Variants in SPAG9 observed in about 807,000 individuals in gnomAD.
SPAG9 encodes C-Jun-amino-terminal kinase-interacting protein 4.
SPAG9 carries 35 observed loss-of-function variants against 166.5 expected under a neutral mutation model. That is an observed-to-expected ratio of 0.21 (90% confidence interval 0.16 to 0.28). SPAG9 has a LOEUF of 0.28. SPAG9 is among the 10% of genes least tolerant of loss of function. SPAG9 has a pLI of 1.00. For missense variants in SPAG9, 1,235 were observed against 1,603.3 expected, an observed-to-expected ratio of 0.77 and a Z score of 3.92; for synonymous variants, 534 against 565.5, an observed-to-expected ratio of 0.94 and a Z score of 0.79.
chr17:50,978,350 A>C (rs1274111118), intron 26 of SPAG9, among the ~76,000 whole-genome samples: 1 of 152,226 alleles, frequency 6.6e-6, no homozygotes, highest in African/African-American at 2.4e-5. Flanking sequence ...TCTAGGGAGA[A>C]GGTACATAGC....
At position 51,120,603 on chromosome 17, in the gene SPAG9, G is replaced by A; in HGVS notation, c.54C>T (p.Ala18=). ...VYQEEPGGSG[A]VMSERVSGLA... ...GGCCGGACACCCGCTCCGACATCAC[G>A]GCCCCGGAGCCGCCGGGCTCCTCCT... The change falls in exon 1 of 30, where the codon GCC becomes GCT. Residue 18 remains alanine, a synonymous_variant. Coordinates refer to ENST00000262013, the MANE Select transcript of SPAG9 (RefSeq NM_001130528.3). This position sits in a 1 kb window ranked among gnomAD's most constrained non-coding sequence, Gnocchi z 4.7. 5.6e-6 allele frequency: 9 copies of A among 1,612,814 alleles called. No individual in the cohort carries two copies. The highest frequency in any genetic ancestry group is 7.6e-6 in the Non-Finnish European group (9 of 1,179,540).
intron 6 of SPAG9, among the ~76,000 whole-genome samples, chr17:51,029,533 T>C (rs1353554048): frequency 1.3e-5 from 2 of 152,096 alleles, no homozygotes; most frequent in African/African-American, 2.4e-5. Flanking sequence ...AACAAATAAA[T>C]AAACAAAATA....
At chr17:51,078,183 G>A (rs2048068952) in intron 2 of SPAG9, among the ~76,000 whole-genome samples, 1 of 152,084 alleles carries the variant, frequency 6.6e-6, no homozygotes, top group Admixed American at 6.6e-5. Context: ...GTATCCACAA[G>A]GCTAAAAACA....
intron 28 of SPAG9, among the ~76,000 whole-genome samples, chr17:50,972,514 T>C (rs1446477382): frequency 6.6e-6 from 1 of 152,240 alleles, no homozygotes; most frequent in East Asian, 1.9e-4. Context: ...GAGAAACCTT[T>C]AAATATTATT....
Position 50,989,715 on chromosome 17 carries a change from A to G in SPAG9, c.2775T>C (p.Val925=). ...CTGGGGAGAGGTCTTCTGGGATCTGAACTCCCAAAGGATCTGTAAAGACAT... is the reference window on the plus strand; with the variant it reads ...CTGGGGAGAGGTCTTCTGGGATCTGGACTCCCAAAGGATCTGTAAAGACAT... The part of the protein sequence containing the change: ...TEHVFTDPLG[V]QIPEDLSPVY... Residue 925 remains valine, a synonymous_variant, in exon 21 of 30, where the codon GTT becomes GTC. Coordinates refer to ENST00000262013, the MANE Select transcript of SPAG9 (RefSeq NM_001130528.3). 6.2e-7 allele frequency: 1 copy of G among 1,614,120 alleles called. No individual in the cohort carries two copies. The highest frequency in any genetic ancestry group is 8.5e-7 in the Non-Finnish European group (1 of 1,180,020).
At chr17:50,983,095 T>C (rs750517076) in intron 24 of SPAG9, among the ~76,000 whole-genome samples, 1 of 152,238 alleles carries the variant, frequency 6.6e-6, no homozygotes, top group Non-Finnish European at 1.5e-5. Context: ...TTAGGAATTA[T>C]GCATACTATA....
chr17:51,092,355 T>TCCC (rs1358091399), intron 1 of SPAG9, among the ~76,000 whole-genome samples: 1 of 151,322 alleles, frequency 6.6e-6, no homozygotes, highest in Non-Finnish European at 1.5e-5. Context: ...AGAACCATTA[T>TCCC]ATAAAGAGGA....
At chr17:51,033,924 G>A (rs1483587635) in intron 5 of SPAG9, among the ~76,000 whole-genome samples, 1 of 152,172 alleles carries the variant, frequency 6.6e-6, no homozygotes, top group Admixed American at 6.5e-5. Flanking sequence ...TAAAATACAA[G>A]CTTTAAACAC....
chr17:51,037,699 T>TA (rs2046670449), intron 5 of SPAG9, among the ~76,000 whole-genome samples: 2 of 104,996 alleles, frequency 1.9e-5, no homozygotes, highest in African/African-American at 6.4e-5. Flanking sequence ...TGTGTGTGTG[T>TA]GTGTGTGTGT....
chr17:51,113,307 C>T (rs2049175944), intron 1 of SPAG9, among the ~76,000 whole-genome samples: 1 of 144,548 alleles, frequency 6.9e-6, no homozygotes, highest in Non-Finnish European at 1.5e-5. Flanking sequence ...GAGCTGAGAT[C>T]GCACCATTGC....
chr17:50,964,120 T>G lies in SPAG9; in HGVS notation c.*2152A>C, dbSNP rs927111398. On this transcript the variant is annotated 3_prime_UTR_variant, in exon 30 of 30. Transcript: ENST00000262013. ...ATATGCATAAAAGCCACTGGTATAC[T>G]TTTTACAGACATCTTTGTATAATAG... 6.6e-6 allele frequency: 1 copy of G among 152,072 alleles called. No homozygotes were observed. Among genetic ancestry groups the G allele is most frequent in the Non-Finnish European group, 1.5e-5 (1 of 68,022 alleles). 9.4% of individuals were successfully genotyped at this position (152,072 alleles called of 1,614,324 possible).
At chr17:51,013,493 A>G (rs1372438356) in intron 9 of SPAG9, among the ~76,000 whole-genome samples, 1 of 152,222 alleles carries the variant, frequency 6.6e-6, no homozygotes, top group Non-Finnish European at 1.5e-5. Context: ...GACAATAAGT[A>G]AATGGTGGTG....
intron 17 of SPAG9, 48 bp downstream of exon 17, chr17:50,995,396 C>T: frequency 1.3e-6 from 2 of 1,482,938 alleles, no homozygotes; most frequent in East Asian, 2.3e-5. Context: ...AGAAAAAAAA[C>T]TACCCAGAGT....
chr17:51,080,886 CAAAA>C (rs200436430), intron 1 of SPAG9, among the ~76,000 whole-genome samples: 2 of 67,850 alleles, frequency 2.9e-5, no homozygotes, highest in African/African-American at 1.8e-4. Flanking sequence ...GACTCTATCT[CAAAA>C]AAAAAAAAAA....
intron 25 of SPAG9, among the ~76,000 whole-genome samples, chr17:50,981,548 T>C (rs201093693): frequency 6.7e-6 from 1 of 149,314 alleles, no homozygotes; most frequent in Non-Finnish European, 1.5e-5. Flanking sequence ...AAAGAAAGAA[T>C]AGATAGATAG....
At chr17:51,076,104 GAAAAGAA>G (rs2047961648) in intron 2 of SPAG9, among the ~76,000 whole-genome samples, 1 of 151,292 alleles carries the variant, frequency 6.6e-6, no homozygotes, top group African/African-American at 2.4e-5. Flanking sequence ...CAAAAAAAAG[GAAAAGAA>G]AAAAGAAAAA....
intron 14 of SPAG9, among the ~76,000 whole-genome samples, chr17:50,999,016 G>A (rs912644733): frequency 6.6e-6 from 1 of 152,164 alleles, no homozygotes; most frequent in Non-Finnish European, 1.5e-5. Flanking sequence ...AGCTTAGTAT[G>A]CCAGTTCTAA....
intron 1 of SPAG9, among the ~76,000 whole-genome samples, chr17:51,114,589 C>T (rs906484303): frequency 6.6e-6 from 1 of 152,182 alleles, no homozygotes; most frequent in Admixed American, 6.5e-5. Context: ...AAGATCGTGC[C>T]TCTGCACCCC....
chr17:51,077,244 C>T (rs1000518716), intron 2 of SPAG9, among the ~76,000 whole-genome samples: 1 of 151,952 alleles, frequency 6.6e-6, no homozygotes, highest in Non-Finnish European at 1.5e-5. Context: ...CTGTCTCAGC[C>T]TCCCGAGGAG....
Sources: gnomAD v4.1 joint callset for allele counts (sites outside exome capture counted in the v4.1 genomes callset) on GRCh38, gnomAD v4.1.1 for gene constraint, Gnocchi (gnomAD v3.1) non-coding constraint, MANE v1.5 for transcripts, NCBI Gene and HGNC (gene_info 2026-07-23, HGNC 2026-07-21) for gene names.